Variants in RAB21 observed in about 807,000 individuals in gnomAD.
The protein encoded by RAB21 is RAB21, member RAS oncogene family.
In RAB21, 13 loss-of-function variants were observed where a neutral mutation model predicts 33.1. The observed-to-expected ratio is 0.39, with a 90% CI of 0.26 to 0.62. The LOEUF is 0.62. Ranked by LOEUF, RAB21 falls within the 20% of genes least tolerant of loss-of-function variation. The pLI is 0.48. For missense variants in RAB21, 234 were observed against 279.1 expected, an observed-to-expected ratio of 0.84 and a Z score of 1.15; for synonymous variants, 91 against 103.7, an observed-to-expected ratio of 0.88 and a Z score of 0.74.
At chr12:71,772,402 G>A (rs1262953541) in intron 3 of RAB21, among the ~76,000 whole-genome samples, 1 of 152,200 alleles carries the variant, frequency 6.6e-6, no homozygotes, top group Non-Finnish European at 1.5e-5. Flanking sequence ...TCTTGTCAAA[G>A]CAGGTTACAA....
intron 3 of RAB21, among the ~76,000 whole-genome samples, chr12:71,771,429 T>C (rs1265479927): frequency 6.6e-6 from 1 of 152,238 alleles, no homozygotes; most frequent in East Asian, 1.9e-4. Flanking sequence ...AGGCTTGTTC[T>C]TGGTAAAATT....
rs1426331738 is a variant in RAB21, at chr12:71,800,063, ACT to A, written c.*14393_*14394del. 1 of 136,856 alleles carries A rather than the reference ACT, an allele frequency of 7.3e-6. No homozygotes were observed. The highest frequency in any genetic ancestry group is 3.0e-5 in the African/African-American group (1 of 33,172). The allele number at this position is 136,856 out of a possible 1,614,324, so 8.5% of individuals were successfully genotyped here. On this transcript the variant is annotated 3_prime_UTR_variant, in exon 7 of 7. Coordinates refer to ENST00000261263, the MANE Select transcript of RAB21 (RefSeq NM_014999.4). Reference sequence around the variant, plus strand: ...ACTCCAGCCTGAGCAACAGAGTGAGACTCTATCTCAAAAAAAAAAAAAAAAAA... The same window carrying A: ...ACTCCAGCCTGAGCAACAGAGTGAGACTATCTCAAAAAAAAAAAAAAAAAA...
chr12:71,758,600 G>T (rs1882824143), intron 1 of RAB21, among the ~76,000 whole-genome samples: 1 of 150,858 alleles, frequency 6.6e-6, no homozygotes, highest in Non-Finnish European at 1.5e-5. Flanking sequence ...TTCCACCTCA[G>T]CCTCCAAGTA....
intron 4 of RAB21, among the ~76,000 whole-genome samples, chr12:71,780,991 C>T (rs1178561264): frequency 6.6e-6 from 1 of 152,128 alleles, no homozygotes; most frequent in Non-Finnish European, 1.5e-5. Flanking sequence ...GTCCAGCCAA[C>T]TCATCTTAAG....
chr12:71,773,925 A>G (rs1231455860), intron 3 of RAB21, 34 bp from the exon 4 acceptor site: 1 of 1,471,600 alleles, frequency 6.8e-7, no homozygotes, highest in African/African-American at 1.4e-5. Flanking sequence ...TTCCAACAGG[A>G]TTTGTTTTAA....
At position 71,787,443 on chromosome 12, in the gene RAB21, C is replaced by T. The variant is rs1234409561; in HGVS notation, c.*1770C>T. ...TTATGTCTAAGATAAAATGGAATGG[C>T]CCCTGGATTTACTTCTTATAAGAAG... On this transcript the variant is annotated 3_prime_UTR_variant, in exon 7 of 7. Transcript: ENST00000261263. 1 of 151,964 alleles carries T rather than the reference C, an allele frequency of 6.6e-6. No individual in the cohort carries two copies. The highest frequency in any genetic ancestry group is 1.5e-5 in the Non-Finnish European group (1 of 67,996). The allele number at this position is 151,964 out of a possible 1,614,324, so 9.4% of individuals were successfully genotyped here. A position where few individuals can be genotyped will look rare whatever the true frequency, so the allele number is the denominator to read the frequency against.
rs1260435548 is a variant in RAB21, at chr12:71,799,767, A to C, written c.*14094A>C. Reference sequence around the variant, plus strand: ...CAAGTATAGTAGACAATTGAAGTATAGTAAAGATAAAATTAATTGCACAGG... The same window carrying C: ...CAAGTATAGTAGACAATTGAAGTATCGTAAAGATAAAATTAATTGCACAGG... On this transcript the variant is annotated 3_prime_UTR_variant, in exon 7 of 7. Transcript: ENST00000261263. 2 of 152,192 alleles carry C rather than the reference A, an allele frequency of 1.3e-5. No individual in the cohort carries two copies. The highest frequency in any genetic ancestry group is 2.9e-5 in the Non-Finnish European group (2 of 68,038). 9.4% of individuals were successfully genotyped at this position (152,192 alleles called of 1,614,324 possible).
rs934578597 is a variant in RAB21 at position 71,799,189 on chromosome 12, C to T, written c.*13516C>T. On this transcript the variant is annotated 3_prime_UTR_variant, in exon 7 of 7. Transcript: ENST00000261263. ...GGAGTGAAAGGTTGTAGTGGCTGGC[C>T]TCTGGTTCCCAGCAGGGCTCCATGG... 9 of 152,052 alleles carry T rather than the reference C, an allele frequency of 5.9e-5. No individual in the cohort carries two copies. The highest frequency in any genetic ancestry group is 9.7e-5 in the African/African-American group (4 of 41,434). 9.4% of individuals were successfully genotyped at this position (152,052 alleles called of 1,614,324 possible).
In RAB21 at chr12:71,755,273, C is replaced by T. The variant is rs780100067; in HGVS notation, c.144C>T (p.His48=). ...RYCENKFNDK[H]ITTLQASFLT... ...GCGAGAACAAGTTTAACGACAAGCA[C>T]ATCACCACTCTGCAGGTGCGGACCT... Residue 48 remains histidine, a synonymous_variant, in exon 1 of 7, where the codon CAC becomes CAT. Transcript: ENST00000261263. 9 of 1,533,820 alleles carry T rather than the reference C, an allele frequency of 5.9e-6. No individual in the cohort carries two copies. Among genetic ancestry groups the T allele is most frequent in the African/African-American group, 1.4e-5 (1 of 70,182 alleles).
chr12:71,789,325 A>G lies in RAB21; in HGVS notation c.*3652A>G, dbSNP rs1883344019. ...TATTTCTTTAATTATATAATTTGCA[A>G]TTTTCTGTATTATAAGTGCTACCAG... On this transcript the variant is annotated 3_prime_UTR_variant, in exon 7 of 7. Transcript: ENST00000261263. The G allele has an allele frequency of 6.6e-6, 1 of 152,002 alleles. No individual in the cohort carries two copies. The highest frequency in any genetic ancestry group is 1.5e-5 in the Non-Finnish European group (1 of 67,958). The allele number at this position is 152,002 out of a possible 1,614,324, so 9.4% of individuals were successfully genotyped here.
Position 71,791,200 on chromosome 12 carries a change from C to G in RAB21, c.*5527C>G, listed in dbSNP as rs1054297672. On this transcript the variant is annotated 3_prime_UTR_variant, in exon 7 of 7. Transcript: ENST00000261263. ...AGATGGGAAGTCTTGCTGTGTTGCCCAGGCTGGTCTTGAACTCCTGGCCTC... is the reference window on the plus strand; with the variant it reads ...AGATGGGAAGTCTTGCTGTGTTGCCGAGGCTGGTCTTGAACTCCTGGCCTC... The G allele has an allele frequency of 6.5e-6, 1 of 153,808 alleles. No homozygotes were observed. The highest frequency in any genetic ancestry group is 1.4e-5 in the Non-Finnish European group (1 of 69,470). 9.5% of individuals were successfully genotyped at this position (153,808 alleles called of 1,614,324 possible).
In RAB21 at chr12:71,799,528, A is replaced by G. The variant is rs187113667; in HGVS notation, c.*13855A>G. Reference sequence around the variant, plus strand: ...TTATGTATGAAGGAAATGAGTTTGTACAACGTTTTTCAATGCAGTATTGTT... The same window carrying G: ...TTATGTATGAAGGAAATGAGTTTGTGCAACGTTTTTCAATGCAGTATTGTT... On this transcript the variant is annotated 3_prime_UTR_variant, in exon 7 of 7. Transcript: ENST00000261263. 6.6e-6 allele frequency: 1 copy of G among 152,330 alleles called. No individual in the cohort carries two copies. Among genetic ancestry groups the G allele is most frequent in the Admixed American group, 6.5e-5 (1 of 15,294 alleles). 9.4% of individuals were successfully genotyped at this position (152,330 alleles called of 1,614,324 possible).
At position 71,782,059 on chromosome 12, in the gene RAB21, A is replaced by T. The variant is rs200098647; in HGVS notation, c.420A>T (p.Arg140Ser). 1 of 1,607,236 alleles carries T rather than the reference A, an allele frequency of 6.2e-7. No individual in the cohort carries two copies. Among genetic ancestry groups the T allele is most frequent in the East Asian group, 2.2e-5 (1 of 44,786 alleles). ...ATAAAATAGACTTGGAAAAGGAGAG[A>T]CATGTTTCCATTCAAGAAGCAGAGT... Reference protein sequence around the residue: ...VGNKIDLEKERHVSIQEAESY... With the variant: ...VGNKIDLEKESHVSIQEAESY... The change falls in exon 5 of 7, where the codon AGA (arginine) becomes AGT (serine). Residue 140 changes from arginine (R) to serine (S), a missense_variant. Arg to Ser is a moderately radical substitution (Grantham distance 110, BLOSUM62 -1). Transcript: ENST00000261263.
chr12:71,778,044 TTAAAGC>T (rs1243339753), intron 4 of RAB21, among the ~76,000 whole-genome samples: 4 of 152,232 alleles, frequency 2.6e-5, no homozygotes, highest in African/African-American at 9.6e-5. Flanking sequence ...ATGTAACTAT[TTAAAGC>T]TAAGTAGAAA....
At chr12:71,762,788 G>A (rs892909173) in intron 1 of RAB21, among the ~76,000 whole-genome samples, 1 of 151,950 alleles carries the variant, frequency 6.6e-6, no homozygotes, top group African/African-American at 2.4e-5. Context: ...CACCTTGTTG[G>A]TCAGGCTGGT....
chr12:71,773,571 C>CA (rs1454713689), intron 3 of RAB21, among the ~76,000 whole-genome samples: 1 of 152,016 alleles, frequency 6.6e-6, no homozygotes, highest in African/African-American at 2.4e-5. Flanking sequence ...ATTTAGGAAT[C>CA]AATTAGGGTA....
At position 71,787,920 on chromosome 12, in the gene RAB21, A is replaced by C. The variant is rs1883319539; in HGVS notation, c.*2247A>C. ...TGGCTCTTTCAGACAGAGTGAAGAA[A>C]GCTTTTCCATTCTTACTGTTGTAGA... On this transcript the variant is annotated 3_prime_UTR_variant, in exon 7 of 7. Transcript: ENST00000261263. The C allele has an allele frequency of 6.6e-6, 1 of 152,144 alleles. No individual in the cohort carries two copies. The highest frequency in any genetic ancestry group is 2.4e-5 in the African/African-American group (1 of 41,424). The allele number at this position is 152,144 out of a possible 1,614,324, so 9.4% of individuals were successfully genotyped here. A position where few individuals can be genotyped will look rare whatever the true frequency, so the allele number is the denominator to read the frequency against.
chr12:71,789,205 A>G lies in RAB21; in HGVS notation c.*3532A>G, dbSNP rs1469624341. 1 of 152,110 alleles carries G rather than the reference A, an allele frequency of 6.6e-6. No homozygotes were observed. Among genetic ancestry groups the G allele is most frequent in the African/African-American group, 2.4e-5 (1 of 41,444 alleles). The allele number at this position is 152,110 out of a possible 1,614,324, so 9.4% of individuals were successfully genotyped here. A position where few individuals can be genotyped will look rare whatever the true frequency, so the allele number is the denominator to read the frequency against. On this transcript the variant is annotated 3_prime_UTR_variant, in exon 7 of 7. Coordinates refer to ENST00000261263, the MANE Select transcript of RAB21 (RefSeq NM_014999.4). ...TGACAGTTTTTTAAATCACTTTGAAAAGTACATTACTTTTATCAAAGAGTT... is the reference window on the plus strand; with the variant it reads ...TGACAGTTTTTTAAATCACTTTGAAGAGTACATTACTTTTATCAAAGAGTT...
chr12:71,782,629 T>C lies in RAB21; in HGVS notation c.506T>C (p.Ile169Thr), dbSNP rs764554005. The C allele has an allele frequency of 6.2e-7, 1 of 1,600,536 alleles. No individual in the cohort carries two copies. Among genetic ancestry groups the C allele is most frequent in the East Asian group, 2.2e-5 (1 of 44,474 alleles). The change falls in exon 6 of 7, where the codon ATT becomes ACT. Residue 169 changes from isoleucine to threonine, a missense_variant. Physicochemically the swap from Ile to Thr is moderately conservative, Grantham distance 89. Transcript: ENST00000261263. ...YHTSAKQNKG[I>T]EELFLDLCKR... is the part of the protein sequence containing the mutation. ...ACTTCAGCCAAACAGAACAAAGGAA[T>C]TGAGGAACTCTTTCTTGACCTTTGT... is the stretch of plus-strand genomic sequence containing the variant.
Sources: allele counts gnomAD v4.1 joint callset (sites outside exome capture counted in the v4.1 genomes callset), GRCh38; gene constraint gnomAD v4.1.1; transcripts MANE v1.5; gene names NCBI Gene and HGNC (gene_info 2026-07-23, HGNC 2026-07-21).